LIMCH1: variants seen among roughly 807,000 people sequenced by gnomAD.
The protein encoded by LIMCH1 is LIM and calponin homology domains-containing protein 1.
A neutral mutation model predicts 176.5 loss-of-function variants in LIMCH1; 113 were observed. That is an observed-to-expected ratio of 0.64 (90% CI 0.55 to 0.75). The LOEUF (loss-of-function observed/expected upper bound fraction) is 0.75. Ranked by LOEUF, LIMCH1 falls within the 30% of genes least tolerant of loss-of-function variation. The pLI, the probability that LIMCH1 is intolerant of heterozygous loss-of-function variation, is 0.00. For missense variants in LIMCH1, 1,674 were observed against 1,814.9 expected (o/e 0.92, Z 1.41); for synonymous variants, 619 against 645.9 (o/e 0.96, Z 0.63).
intron 1 of LIMCH1, among the ~76,000 whole-genome samples, chr4:41,424,718 C>G (rs2060918494): frequency 1.3e-5 from 2 of 152,246 alleles, no homozygotes; most frequent in South Asian, 4.1e-4. Context: ...GGTTTCAGAA[C>G]TTGGGGTTTT....
intron 31 of LIMCH1, among the ~76,000 whole-genome samples, chr4:41,693,558 TATTAA>T (rs1202573271): frequency 1.3e-5 from 2 of 150,008 alleles, no homozygotes; most frequent in African/African-American, 4.9e-5. Flanking sequence ...GTATTTTATA[TATTAA>T]ATTATATAAA....
rs551879119 is a variant in LIMCH1 at position 41,696,485 on chromosome 4, T to C, written c.4379-675T>C. Among the ~76,000 whole-genome samples the C allele has an allele frequency of 7.2e-5, 11 of 152,332 alleles. No homozygotes were observed. In the South Asian group the frequency reaches 2.1e-3, roughly 29 times the overall value. On this transcript the variant is annotated intron_variant, in intron 31 of 31. Transcript: ENST00000503057. ...ATCCTTTCTAGATAGGTTTACCAGATAAAATATAAGATACCTAGTGGAATT... is the reference window on the plus strand; with the variant it reads ...ATCCTTTCTAGATAGGTTTACCAGACAAAATATAAGATACCTAGTGGAATT...
chr4:41,627,144 A>G, intron 8 of LIMCH1, 134 bp downstream of exon 8: 2 of 1,215,946 alleles, frequency 1.6e-6, no homozygotes, highest in Non-Finnish European at 2.2e-6. Flanking sequence ...CCTCTCAATT[A>G]TATGTACTTT....
At chr4:41,503,830 C>G (rs899399368) in intron 2 of LIMCH1, among the ~76,000 whole-genome samples, 1 of 152,146 alleles carries the variant, frequency 6.6e-6, no homozygotes. Flanking sequence ...TGATAACTGC[C>G]CTTGCTCTGA....
chr4:41,689,466 G>A, intron 29 of LIMCH1, 61 bp from the exon 30 acceptor site: 3 of 858,424 alleles, frequency 3.5e-6, no homozygotes, highest in Non-Finnish European at 6.0e-6. Flanking sequence ...TTACATGTCT[G>A]TGTGTTTGAC....
At chr4:41,385,624 C>A (rs1239302991) in intron 1 of LIMCH1, among the ~76,000 whole-genome samples, 1 of 152,026 alleles carries the variant, frequency 6.6e-6, no homozygotes, top group Non-Finnish European at 1.5e-5. Context: ...CAGTAGAATG[C>A]CCTTATTTTG....
intron 31 of LIMCH1, among the ~76,000 whole-genome samples, chr4:41,696,936 G>T (rs1030541783): frequency 3.9e-5 from 6 of 152,110 alleles, no homozygotes; most frequent in Admixed American, 1.3e-4. Flanking sequence ...ACGTTAAGTG[G>T]GTCTGGAATG....
At chr4:41,370,302 A>G (rs891581803) in intron 1 of LIMCH1, among the ~76,000 whole-genome samples, 2 of 152,168 alleles carry the variant, frequency 1.3e-5, no homozygotes, top group South Asian at 2.1e-4. Flanking sequence ...AGCACTTCCA[A>G]TGATAGTGAA....
At chr4:41,504,143 T>C (rs2073836608) in intron 2 of LIMCH1, among the ~76,000 whole-genome samples, 1 of 152,202 alleles carries the variant, frequency 6.6e-6, no homozygotes, top group African/African-American at 2.4e-5. Flanking sequence ...CTCACAACCA[T>C]TTGCTGTCTC....
At chr4:41,414,983 C>T (rs1205916351) in intron 1 of LIMCH1, among the ~76,000 whole-genome samples, 1 of 152,116 alleles carries the variant, frequency 6.6e-6, no homozygotes, top group Non-Finnish European at 1.5e-5. Context: ...TCTCTCTTAA[C>T]CTCATCCCCC....
intron 5 of LIMCH1, among the ~76,000 whole-genome samples, chr4:41,616,080 C>T (rs919337646): frequency 1.3e-5 from 2 of 152,144 alleles, no homozygotes; most frequent in Admixed American, 6.5e-5. Context: ...TAACAAAACC[C>T]TCTACCCAGA....
At chr4:41,538,737 A>T (rs944252416) in intron 1 of LIMCH1, among the ~76,000 whole-genome samples, 2 of 152,034 alleles carry the variant, frequency 1.3e-5, no homozygotes, top group African/African-American at 4.8e-5. Flanking sequence ...TGTGGGGGAG[A>T]TGTGGCTGCA....
intron 8 of LIMCH1, among the ~76,000 whole-genome samples, chr4:41,627,821 G>A (rs939351102): frequency 1.1e-4 from 17 of 152,176 alleles, no homozygotes; most frequent in African/African-American, 4.1e-4. Context: ...GCTAGAGTTA[G>A]CATCTACATT....
chr4:41,634,547 G>T (rs1298948624), intron 13 of LIMCH1, among the ~76,000 whole-genome samples: 1 of 152,158 alleles, frequency 6.6e-6, no homozygotes, highest in Non-Finnish European at 1.5e-5. Context: ...AATCTCTCCA[G>T]ATTTTTAAAA....
At chr4:41,384,511 A>G (rs538396626) in intron 1 of LIMCH1, among the ~76,000 whole-genome samples, 1 of 152,210 alleles carries the variant, frequency 6.6e-6, no homozygotes, top group Non-Finnish European at 1.5e-5. Flanking sequence ...CCCGGCCTAC[A>G]TCGTGCTTTC....
chr4:41,365,825 G>A (rs75305162), intron 1 of LIMCH1, among the ~76,000 whole-genome samples: 11,047 of 152,288 alleles, frequency 0.073, 603 homozygotes, highest in African/African-American at 0.15. Flanking sequence ...AAGGGGATGC[G>A]GAATGGGAGG....
At chr4:41,623,047 C>T (rs1028164834) in intron 7 of LIMCH1, among the ~76,000 whole-genome samples, 9 of 152,116 alleles carry the variant, frequency 5.9e-5, no homozygotes, top group East Asian at 1.9e-4. Flanking sequence ...GGCATGTCTA[C>T]GTCTTTGTCA....
At chr4:41,466,324 C>A (rs996341427) in intron 1 of LIMCH1, among the ~76,000 whole-genome samples, 1 of 152,198 alleles carries the variant, frequency 6.6e-6, no homozygotes, top group African/African-American at 2.4e-5. Flanking sequence ...ACCCCGAGGA[C>A]ACATTAAATT....
chr4:41,620,775 C>T, intron 7 of LIMCH1, 85 bp downstream of exon 7: 1 of 1,395,224 alleles, frequency 7.2e-7, no homozygotes, highest in Non-Finnish European at 9.4e-7. Flanking sequence ...GAGTTTTCAT[C>T]TGATTTTTCC....
Sources: allele counts gnomAD v4.1 joint callset (sites outside exome capture counted in the v4.1 genomes callset), GRCh38; gene constraint gnomAD v4.1.1; transcripts MANE v1.5; gene names NCBI Gene and HGNC (gene_info 2026-07-23, HGNC 2026-07-21).